Variants in GRM1 observed in about 807,000 individuals in gnomAD.
GRM1 encodes the protein metabotropic glutamate receptor 1.
Under a neutral mutation model 90.9 loss-of-function variants are expected in GRM1, and 33 were observed. The ratio of observed to expected loss-of-function variants is 0.36; its 90% CI spans 0.28 to 0.49. The LOEUF (loss-of-function observed/expected upper bound fraction) is 0.49, where lower values mean the gene tolerates loss of function less well. Among genes scored for constraint, GRM1 ranks in the 20% least tolerant of loss-of-function variants. The pLI, the probability that GRM1 is intolerant of heterozygous loss-of-function variation, is 0.99. For missense variants in GRM1, 1,190 were observed against 1,534.3 expected (o/e 0.78, Z 3.75); for synonymous variants, 700 against 613.2 (o/e 1.14, Z -2.09).
At chr6:146,123,774 C>T (rs1164841361) in intron 1 of GRM1, among the ~76,000 whole-genome samples, 3 of 152,172 alleles carry the variant, frequency 2.0e-5, no homozygotes, top group Non-Finnish European at 4.4e-5. Context: ...TCCCATCTGC[C>T]TCAAACATTC....
rs1785440475 is a variant in GRM1 at position 146,352,425 on chromosome 6, C to G, written c.1362C>G (p.Leu454=). 2.5e-6 allele frequency: 4 copies of G among 1,613,082 alleles called. No homozygotes were observed. In the Admixed American group the frequency reaches 6.7e-5, roughly 27 times the overall value. ...ACGGCAGCAAGCTGCTGGACTTCCT[C>G]ATCAAGTCCTCATTCATTGGAGTAT... The part of the protein sequence containing the change: ...PIDGSKLLDF[L]IKSSFIGVSG... Residue 454 remains leucine, a synonymous_variant, in exon 4 of 8, where the codon CTC becomes CTG. Transcript: ENST00000282753.
At chr6:146,028,994 C>T (rs1031081651), upstream of GRM1, among the ~76,000 whole-genome samples, 1 of 152,192 alleles carries the variant, frequency 6.6e-6, no homozygotes. Flanking sequence ...GGGCTCTGCG[C>T]CGCCTGGACC....
At chr6:146,277,267 A>T (rs904237339) in intron 2 of GRM1, among the ~76,000 whole-genome samples, 4 of 152,192 alleles carry the variant, frequency 2.6e-5, no homozygotes, top group Admixed American at 6.5e-5. Context: ...CAAACCCTGC[A>T]GACTCCTAAG....
intron 1 of GRM1, among the ~76,000 whole-genome samples, chr6:146,123,352 C>T (rs1398957830): frequency 1.3e-5 from 2 of 152,160 alleles, no homozygotes; most frequent in Non-Finnish European, 1.5e-5. Flanking sequence ...AATTTTAGAG[C>T]AGCTTTGTAG....
At chr6:146,200,420 C>A (rs967112181) in intron 2 of GRM1, among the ~76,000 whole-genome samples, 1 of 152,140 alleles carries the variant, frequency 6.6e-6, no homozygotes, top group Non-Finnish European at 1.5e-5. Flanking sequence ...CTATCAAATG[C>A]CTTTGTGCTC....
chr6:146,146,183 G>A (rs1777095619), intron 1 of GRM1, among the ~76,000 whole-genome samples: 1 of 116,450 alleles, frequency 8.6e-6, no homozygotes, highest in African/African-American at 3.4e-5. Context: ...CTGCCTCCCG[G>A]GTTCACGTCA....
intron 1 of GRM1, among the ~76,000 whole-genome samples, chr6:146,117,604 T>G (rs1197196340): frequency 6.6e-6 from 1 of 152,080 alleles, no homozygotes; most frequent in Admixed American, 6.5e-5. Flanking sequence ...TTATTTTTAC[T>G]TATTTTAAGG....
intron 5 of GRM1, among the ~76,000 whole-genome samples, chr6:146,367,398 A>T (rs545414806): frequency 1.3e-5 from 2 of 152,090 alleles, no homozygotes; most frequent in Admixed American, 1.3e-4. Context: ...TTGTGGTTCC[A>T]TGAGAATTTT....
At chr6:146,297,683 G>C (rs1783228094) in intron 2 of GRM1, among the ~76,000 whole-genome samples, 1 of 152,120 alleles carries the variant, frequency 6.6e-6, no homozygotes, top group South Asian at 2.1e-4. Flanking sequence ...TAAACCATTG[G>C]ATTCACGTTT....
intron 7 of GRM1, among the ~76,000 whole-genome samples, chr6:146,432,138 TGTG>T (rs1454279339): frequency 3.9e-5 from 6 of 152,198 alleles, no homozygotes; most frequent in Non-Finnish European, 5.9e-5. Context: ...TCTCAGATAA[TGTG>T]TAAGGCATAT....
In GRM1 at chr6:146,066,340, C is replaced by T. The variant is rs183410851; in HGVS notation, c.700+36123C>T. Among the ~76,000 whole-genome samples, 301 of 152,170 alleles carry T rather than the reference C, an allele frequency of 2.0e-3. 1 individual carries two copies. The highest frequency in any genetic ancestry group is 6.8e-3 in the African/African-American group (282 of 41,522). On this transcript the variant is annotated intron_variant, in intron 1 of 7. Coordinates refer to ENST00000282753, the MANE Select transcript of GRM1 (RefSeq NM_001278064.2). ...CATGGTATTTGGTTTTCTGTTTCTG[C>T]GTTAGTTCATGTAGGATAATTCTTT...
chr6:146,089,832 A>T (rs2128866929), intron 1 of GRM1, among the ~76,000 whole-genome samples: 1 of 152,226 alleles, frequency 6.6e-6, no homozygotes, highest in Non-Finnish European at 1.5e-5. Flanking sequence ...ATAAAGAGAT[A>T]TCGCATTGTT....
At chr6:146,130,217 T>A (rs1222154788) in intron 1 of GRM1, among the ~76,000 whole-genome samples, 7 of 152,070 alleles carry the variant, frequency 4.6e-5, no homozygotes, top group Non-Finnish European at 1.0e-4. Context: ...CTAGATTTAG[T>A]TTTCTCTTTC....
intron 2 of GRM1, among the ~76,000 whole-genome samples, chr6:146,197,838 A>G (rs1222590472): frequency 6.6e-6 from 1 of 152,240 alleles, no homozygotes; most frequent in East Asian, 1.9e-4. Context: ...CAGAGAATAC[A>G]GTAATGGGGC....
At chr6:146,211,819 C>G (rs778801050) in intron 2 of GRM1, among the ~76,000 whole-genome samples, 1 of 152,152 alleles carries the variant, frequency 6.6e-6, no homozygotes, top group Non-Finnish European at 1.5e-5. Context: ...ATTCCACTGA[C>G]TGGCTTGTGT....
At chr6:146,412,780 A>T (rs1777617373) in intron 7 of GRM1, among the ~76,000 whole-genome samples, 1 of 152,214 alleles carries the variant, frequency 6.6e-6, no homozygotes, top group South Asian at 2.1e-4. Flanking sequence ...ATTCCATGAT[A>T]GTCATACAAA....
At chr6:146,164,928 AT>A (rs1777856289) in intron 2 of GRM1, among the ~76,000 whole-genome samples, 1 of 149,536 alleles carries the variant, frequency 6.7e-6, no homozygotes, top group Non-Finnish European at 1.5e-5. Context: ...TTCTGACTAC[AT>A]CTTTTTTTTT....
intron 5 of GRM1, among the ~76,000 whole-genome samples, chr6:146,375,246 T>C (rs970975877): frequency 5.9e-5 from 9 of 152,032 alleles, no homozygotes; most frequent in African/African-American, 2.2e-4. Flanking sequence ...ATCCTTGATA[T>C]TATTTAAATT....
chr6:146,298,678 C>T (rs934768986), intron 2 of GRM1, among the ~76,000 whole-genome samples: 12 of 152,102 alleles, frequency 7.9e-5, no homozygotes, highest in Non-Finnish European at 1.8e-4. Flanking sequence ...TTTCTGAGCT[C>T]CTAATGACAT....
Sources: allele counts gnomAD v4.1 joint callset (sites outside exome capture counted in the v4.1 genomes callset), GRCh38; gene constraint gnomAD v4.1.1; transcripts MANE v1.5; gene names NCBI Gene and HGNC (gene_info 2026-07-23, HGNC 2026-07-21).